The following MACROD2 variants were observed in gnomAD, a reference collection of about 807,000 sequenced individuals.
MACROD2 encodes the protein mono-ADP ribosylhydrolase 2.
Under a neutral mutation model 70.4 loss-of-function variants are expected in MACROD2, and 36 were observed. The observed-to-expected ratio is 0.51, with a 90% CI of 0.39 to 0.68. MACROD2 has a LOEUF of 0.68. Among genes scored for constraint, MACROD2 ranks in the 30% least tolerant of loss-of-function variants. MACROD2 has a pLI of 0.00. For missense variants in MACROD2, 496 were observed against 538.4 expected (o/e 0.92, Z 0.78); for synonymous variants, 172 against 178.8 (o/e 0.96, Z 0.30).
At chr20:14,706,697 T>C (rs577717000) in intron 5 of MACROD2, among the ~76,000 whole-genome samples, 50 of 152,250 alleles carry the variant, frequency 3.3e-4, no homozygotes, top group African/African-American at 1.2e-3. Context: ...TTTGCTCCGC[T>C]TTATTCTTCC....
chr20:15,464,788 C>G (rs1237226065), intron 7 of MACROD2, among the ~76,000 whole-genome samples: 1 of 152,174 alleles, frequency 6.6e-6, no homozygotes, highest in Non-Finnish European at 1.5e-5. Flanking sequence ...GGCTTTGTTT[C>G]TATCTTAATT....
chr20:15,801,720 G>A (rs1004782055), intron 8 of MACROD2, among the ~76,000 whole-genome samples: 2 of 151,950 alleles, frequency 1.3e-5, no homozygotes, highest in Non-Finnish European at 2.9e-5. Context: ...AAGGCTTTTG[G>A]TCTATTTCTG....
intron 4 of MACROD2, among the ~76,000 whole-genome samples, chr20:14,632,584 AT>A (rs1407290640): frequency 1.9e-4 from 29 of 152,186 alleles, no homozygotes. Context: ...TATTGATAGT[AT>A]CTCAATACCA....
At chr20:14,064,448 A>C (rs2053731040) in intron 2 of MACROD2, among the ~76,000 whole-genome samples, 1 of 152,040 alleles carries the variant, frequency 6.6e-6, no homozygotes, top group South Asian at 2.1e-4. Context: ...GGACTGACTT[A>C]ATTATCTTCT....
At chr20:14,880,729 A>G (rs2073601698) in intron 5 of MACROD2, among the ~76,000 whole-genome samples, 1 of 152,250 alleles carries the variant, frequency 6.6e-6, no homozygotes, top group Admixed American at 6.5e-5. Flanking sequence ...TTGTATAATC[A>G]GAGATTTTAA....
At chr20:14,050,181 A>G (rs999913601) in intron 2 of MACROD2, among the ~76,000 whole-genome samples, 2 of 151,470 alleles carry the variant, frequency 1.3e-5, no homozygotes, top group South Asian at 2.1e-4. Flanking sequence ...GCAGCAGGGT[A>G]TTTTTCTCAA....
rs142478994 is a variant in MACROD2, at chr20:15,496,330, G to A, written c.572-3444G>A. Among the ~76,000 whole-genome samples the A allele has an allele frequency of 2.0e-4, 31 of 152,328 alleles. No homozygotes were observed. In the East Asian group the frequency reaches 4.2e-3, roughly 21 times the overall value. On this transcript the variant is annotated intron_variant, in intron 7 of 17. Transcript: ENST00000684519. Reference sequence around the variant, plus strand: ...GAGGAAGTTGTTGTGGAAGATGAGCGGGTCAATGGACTGGCTAAGCGCGGG... The same window carrying A: ...GAGGAAGTTGTTGTGGAAGATGAGCAGGTCAATGGACTGGCTAAGCGCGGG...
chr20:14,234,453 G>A (rs1200449857), intron 3 of MACROD2, among the ~76,000 whole-genome samples: 1 of 151,930 alleles, frequency 6.6e-6, no homozygotes, highest in African/African-American at 2.4e-5. Flanking sequence ...TTATTTTCCT[G>A]TAAGTACATA....
intron 6 of MACROD2, among the ~76,000 whole-genome samples, chr20:15,424,584 G>GCTATTT (rs1258990881): frequency 3.3e-5 from 5 of 152,188 alleles, no homozygotes; most frequent in African/African-American, 1.2e-4. Context: ...GCCAGATGTG[G>GCTATTT]TGATGAATGC....
chr20:15,102,549 A>G (rs762027050), intron 5 of MACROD2, among the ~76,000 whole-genome samples: 8 of 152,034 alleles, frequency 5.3e-5, no homozygotes, highest in African/African-American at 1.2e-4. Flanking sequence ...GTAGAATAGA[A>G]AAGAGTGGGA....
intron 5 of MACROD2, among the ~76,000 whole-genome samples, chr20:15,207,048 G>C (rs1359685101): frequency 2.6e-5 from 4 of 152,034 alleles, no homozygotes; most frequent in Non-Finnish European, 5.9e-5. Context: ...TATTATCTAT[G>C]TTGTCACATG....
rs137993734 is a variant in MACROD2, at chr20:14,167,678, C to T, written c.271+81950C>T. Reference sequence around the variant, plus strand: ...TGCTGGGATTACAGGCGTGAGCCACCGCACACGGCCTAAAATGTTTTTATA... The same window carrying T: ...TGCTGGGATTACAGGCGTGAGCCACTGCACACGGCCTAAAATGTTTTTATA... On this transcript the variant is annotated intron_variant, in intron 3 of 17. Transcript: ENST00000684519. Among the ~76,000 whole-genome samples, 523 of 152,150 alleles carry T rather than the reference C, an allele frequency of 3.4e-3. 2 individuals carry two copies. The highest frequency in any genetic ancestry group is 0.012 in the African/African-American group (487 of 41,496).
intron 2 of MACROD2, among the ~76,000 whole-genome samples, chr20:14,034,758 C>G (rs2053287613): frequency 6.6e-6 from 1 of 152,156 alleles, no homozygotes; most frequent in Admixed American, 6.5e-5. Flanking sequence ...GTTGCATATT[C>G]ATTTAATGAA....
chr20:14,515,296 C>T (rs1342177631), intron 4 of MACROD2, among the ~76,000 whole-genome samples: 2 of 151,878 alleles, frequency 1.3e-5, no homozygotes, highest in African/African-American at 4.8e-5. Context: ...TGGAGAGATC[C>T]AATATTTCCA....
Position 14,423,912 on chromosome 20 carries a change from G to T in MACROD2, c.272-69567G>T, listed in dbSNP as rs190511593. 3.1e-3 allele frequency among the ~76,000 whole-genome samples: 471 copies of T among 151,528 alleles called. 2 individuals carry two copies. Among genetic ancestry groups the T allele is most frequent in the African/African-American group, 0.01 (425 of 41,402 alleles). ...CGAGTAGCTGGCATTACAGGCATGT[G>T]CCACCACACCCGGCTAATTTTGTAT... On this transcript the variant is annotated intron_variant, in intron 3 of 17. Transcript: ENST00000684519.
chr20:14,489,765 C>T (rs778369705), intron 3 of MACROD2, among the ~76,000 whole-genome samples: 2 of 151,644 alleles, frequency 1.3e-5, no homozygotes, highest in Non-Finnish European at 2.9e-5. Context: ...GACAGATAGT[C>T]TTGGGTGGGG....
chr20:15,987,768 T>G lies in MACROD2; in HGVS notation c.1153+610T>G, dbSNP rs180698210. 1.2e-3 allele frequency among the ~76,000 whole-genome samples: 183 copies of G among 152,238 alleles called. 1 individual carries two copies. The highest frequency in any genetic ancestry group is 2.1e-3 in the Non-Finnish European group (140 of 67,976). On this transcript the variant is annotated intron_variant, in intron 15 of 17. Transcript: ENST00000684519. ...CAATGTATTGGAGTGAAGATAGAAA[T>G]ATTTTTAAAAATGTGTTTAAAAAAA...
At chr20:15,397,485 A>G (rs2045874960) in intron 6 of MACROD2, among the ~76,000 whole-genome samples, 1 of 148,904 alleles carries the variant, frequency 6.7e-6, no homozygotes, top group Non-Finnish European at 1.5e-5. Context: ...TTGTTTTGAG[A>G]GACAGGTTTT....
chr20:14,011,280 A>G (rs2052901467), intron 2 of MACROD2, among the ~76,000 whole-genome samples: 1 of 152,164 alleles, frequency 6.6e-6, no homozygotes, highest in African/African-American at 2.4e-5. Flanking sequence ...TTGTACAACC[A>G]AAAGACTGGC....
Sources: gnomAD v4.1 joint callset for allele counts (sites outside exome capture counted in the v4.1 genomes callset) on GRCh38, gnomAD v4.1.1 for gene constraint, MANE v1.5 for transcripts, NCBI Gene and HGNC (gene_info 2026-07-23, HGNC 2026-07-21) for gene names.